The following ADAMTS6 variants were observed in gnomAD, a reference collection of about 807,000 sequenced individuals.
ADAMTS6 encodes the protein A disintegrin and metalloproteinase with thrombospondin motifs 6.
ADAMTS6 carries 23 observed loss-of-function variants against 144.3 expected under a neutral mutation model. That is an observed-to-expected ratio of 0.16 (90% CI 0.11 to 0.23). The LOEUF (loss-of-function observed/expected upper bound fraction) is 0.23, where lower values mean the gene tolerates loss of function less well. ADAMTS6 is among the 10% of genes least tolerant of loss of function. ADAMTS6 has a pLI of 1.00. For synonymous variants in ADAMTS6, 444 were observed against 457.5 expected, an observed-to-expected ratio of 0.97 and a Z score of 0.38; for missense variants, 999 against 1,379.6, an observed-to-expected ratio of 0.72 and a Z score of 4.37.
At chr5:65,448,188 T>C (rs1758432152) in intron 7 of ADAMTS6, among the ~76,000 whole-genome samples, 2 of 151,866 alleles carry the variant, frequency 1.3e-5, no homozygotes, top group Admixed American at 1.3e-4. Context: ...ATTATTGATA[T>C]CAGATAAAAC....
chr5:65,228,001 C>A (rs969478387), intron 15 of ADAMTS6, among the ~76,000 whole-genome samples: 2 of 151,892 alleles, frequency 1.3e-5, no homozygotes, highest in African/African-American at 4.8e-5. Flanking sequence ...TGATTTTTAG[C>A]GTTAGGTTAA....
chr5:65,344,956 CT>C (rs1309797882), intron 7 of ADAMTS6, among the ~76,000 whole-genome samples: 2 of 151,780 alleles, frequency 1.3e-5, no homozygotes, highest in Non-Finnish European at 3.0e-5. Flanking sequence ...TGAGATTCCC[CT>C]AATAAAATTT....
intron 7 of ADAMTS6, among the ~76,000 whole-genome samples, chr5:65,408,792 A>C (rs189895402): frequency 6.6e-6 from 1 of 152,304 alleles, no homozygotes; most frequent in East Asian, 1.9e-4. Flanking sequence ...AAATTATAAC[A>C]AACTGTCTCT....
intron 15 of ADAMTS6, among the ~76,000 whole-genome samples, chr5:65,234,824 T>C (rs1338748295): frequency 1.3e-5 from 2 of 152,192 alleles, no homozygotes; most frequent in Non-Finnish European, 2.9e-5. Flanking sequence ...CATTGAAGCA[T>C]TATTCACATT....
At chr5:65,363,239 A>T (rs1325921714) in intron 7 of ADAMTS6, among the ~76,000 whole-genome samples, 1 of 152,212 alleles carries the variant, frequency 6.6e-6, no homozygotes, top group African/African-American at 2.4e-5. Context: ...ATACTATAGT[A>T]TGTTACTGAT....
intron 8 of ADAMTS6, 77 bp downstream of exon 8, chr5:65,333,965 C>CA: frequency 8.8e-7 from 1 of 1,139,574 alleles, no homozygotes; most frequent in Non-Finnish European, 1.1e-6. Flanking sequence ...GTCATTGGTC[C>CA]AAAAAGACAA....
chr5:65,400,517 G>A (rs1753830034), intron 7 of ADAMTS6, among the ~76,000 whole-genome samples: 1 of 152,072 alleles, frequency 6.6e-6, no homozygotes, highest in African/African-American at 2.4e-5. Context: ...CAGCCAGCTA[G>A]GTTTTTTCTT....
rs187616110 is a variant in ADAMTS6 at position 65,449,954 on chromosome 5, T to C, written c.1073+1521A>G. Among the ~76,000 whole-genome samples, 167 of 152,302 alleles carry C rather than the reference T, an allele frequency of 1.1e-3. 2 individuals carry two copies. The highest frequency in any genetic ancestry group is 0.01 in the Admixed American group (155 of 15,296). ...ATTGGGAGCCCACTGTGCGTCATATTTGGGAAGACAGGGCTTTACAAATAT... is the reference window on the plus strand; with the variant it reads ...ATTGGGAGCCCACTGTGCGTCATATCTGGGAAGACAGGGCTTTACAAATAT... On this transcript the variant is annotated intron_variant, in intron 7 of 24. Transcript: ENST00000381055.
chr5:65,443,888 GA>G (rs1758065483), intron 7 of ADAMTS6, among the ~76,000 whole-genome samples: 1 of 151,934 alleles, frequency 6.6e-6, no homozygotes, highest in Admixed American at 6.6e-5. Context: ...GTGAAAGACG[GA>G]ATTCTTTCCT....
chr5:65,414,197 A>G (rs895261425), intron 7 of ADAMTS6, among the ~76,000 whole-genome samples: 1 of 152,098 alleles, frequency 6.6e-6, no homozygotes, highest in African/African-American at 2.4e-5. Flanking sequence ...TGTCTATCAC[A>G]TTTTCTTACA....
rs546865307 is a variant in ADAMTS6 at position 65,201,726 on chromosome 5, C to A, written c.2576-4575G>T. ...TAAATAATTTAACCTAGTGACATAG[C>A]ACATCATATCTACCCAAGAAACAGT... On this transcript the variant is annotated intron_variant, in intron 20 of 24. Coordinates refer to ENST00000381055, the MANE Select transcript of ADAMTS6 (RefSeq NM_197941.4). 2.6e-5 allele frequency among the ~76,000 whole-genome samples: 4 copies of A among 152,220 alleles called. 1 individual carries two copies. The East Asian group carries it at 7.7e-4, about 29-fold the overall frequency.
At chr5:65,193,962 A>T (rs753919764) in intron 21 of ADAMTS6, among the ~76,000 whole-genome samples, 3 of 152,208 alleles carry the variant, frequency 2.0e-5, no homozygotes, top group Non-Finnish European at 4.4e-5. Context: ...TTATATACAC[A>T]TGCCTCTGTA....
At chr5:65,399,353 G>A (rs755526446) in intron 7 of ADAMTS6, among the ~76,000 whole-genome samples, 3 of 152,112 alleles carry the variant, frequency 2.0e-5, no homozygotes, top group Non-Finnish European at 4.4e-5. Flanking sequence ...GGTGCATTTG[G>A]AGCATTGATA....
At chr5:65,384,334 G>GTCAAGAGAAACCATGCC (rs1752306221) in intron 7 of ADAMTS6, among the ~76,000 whole-genome samples, 1 of 152,114 alleles carries the variant, frequency 6.6e-6, no homozygotes, top group Non-Finnish European at 1.5e-5. Flanking sequence ...ACTATAAGGA[G>GTCAAGAGAAACCATGCC]TCAAGAGAAA....
At chr5:65,416,860 G>T (rs941590633) in intron 7 of ADAMTS6, among the ~76,000 whole-genome samples, 3 of 151,510 alleles carry the variant, frequency 2.0e-5, no homozygotes, top group Non-Finnish European at 4.4e-5. Context: ...AAGGAGGAGG[G>T]ACTCCTCCCT....
At chr5:65,425,203 G>A (rs1321457096) in intron 7 of ADAMTS6, among the ~76,000 whole-genome samples, 1 of 152,196 alleles carries the variant, frequency 6.6e-6, no homozygotes, top group South Asian at 2.1e-4. Context: ...TCGTATTTTC[G>A]TGTATTTAGA....
intron 24 of ADAMTS6, among the ~76,000 whole-genome samples, chr5:65,154,867 T>A (rs1473680473): frequency 2.0e-5 from 3 of 152,340 alleles, no homozygotes; most frequent in South Asian, 4.1e-4. Flanking sequence ...CAGAAAGGGT[T>A]ACACATTTAC....
At chr5:65,307,025 G>C (rs1259304019) in intron 9 of ADAMTS6, among the ~76,000 whole-genome samples, 1 of 152,104 alleles carries the variant, frequency 6.6e-6, no homozygotes, top group African/African-American at 2.4e-5. Flanking sequence ...TTTTAATGTG[G>C]TTGAACTGGT....
chr5:65,172,445 A>G (rs1313453339), intron 23 of ADAMTS6, among the ~76,000 whole-genome samples: 1 of 151,922 alleles, frequency 6.6e-6, no homozygotes, highest in Non-Finnish European at 1.5e-5. Flanking sequence ...AATTATCTCT[A>G]TTTTGCAAGT....
Sources: gnomAD v4.1 joint callset for allele counts (sites outside exome capture counted in the v4.1 genomes callset) on GRCh38, gnomAD v4.1.1 for gene constraint, MANE v1.5 for transcripts, NCBI Gene and HGNC (gene_info 2026-07-23, HGNC 2026-07-21) for gene names.